The following PCDHA11 variants were observed in gnomAD, a reference collection of about 807,000 sequenced individuals.
PCDHA11 encodes protocadherin alpha-11.
PCDHA11 carries 61 observed loss-of-function variants against 70.3 expected under a neutral mutation model. That is an observed-to-expected ratio of 0.87 (90% CI 0.71 to 1.07). The LOEUF is 1.07. Among genes scored for constraint, PCDHA11 ranks in the 50% least tolerant of loss-of-function variants. The pLI, the probability that PCDHA11 is intolerant of heterozygous loss-of-function variation, is 0.00. For missense variants in PCDHA11, 1,324 were observed against 1,237.5 expected, an observed-to-expected ratio of 1.07 and a Z score of -1.05; for synonymous variants, 633 against 555.1, an observed-to-expected ratio of 1.14 and a Z score of -1.97.
intron 1 of PCDHA11, among the ~76,000 whole-genome samples, chr5:140,894,199 GC>G (rs2064359112): frequency 6.6e-6 from 1 of 151,732 alleles, no homozygotes; most frequent in Admixed American, 6.6e-5. Context: ...TTTTTTCTAT[GC>G]TATTATATTC....
At chr5:140,966,374 C>A in intron 1 of PCDHA11, 1 of 405,174 alleles carries the variant, frequency 2.5e-6, no homozygotes, top group South Asian at 1.3e-4. Flanking sequence ...GCTGAGCAGT[C>A]CGGGTTCGCT....
At chr5:140,990,512 CTT>C (rs1323641272) in intron 3 of PCDHA11, among the ~76,000 whole-genome samples, 1 of 152,202 alleles carries the variant, frequency 6.6e-6, no homozygotes, top group African/African-American at 2.4e-5. Context: ...AGTCTTCTCT[CTT>C]GTCTTTTTTG....
chr5:140,891,122 G>T (rs572236105), intron 1 of PCDHA11, among the ~76,000 whole-genome samples: 1 of 152,256 alleles, frequency 6.6e-6, no homozygotes, highest in East Asian at 1.9e-4. Context: ...CAATCTAAAT[G>T]TCATTCCTTT....
chr5:140,898,764 T>A (rs2066960471), intron 1 of PCDHA11, among the ~76,000 whole-genome samples: 1 of 152,192 alleles, frequency 6.6e-6, no homozygotes, highest in Non-Finnish European at 1.5e-5. Context: ...GCATTGAATC[T>A]GTAAATTACC....
intron 3 of PCDHA11, among the ~76,000 whole-genome samples, chr5:141,000,251 G>C (rs2097898188): frequency 6.6e-6 from 1 of 151,264 alleles, no homozygotes; most frequent in Non-Finnish European, 1.5e-5. Context: ...GCTGACACCT[G>C]TGATCCTAGC....
intron 3 of PCDHA11, among the ~76,000 whole-genome samples, chr5:140,996,604 A>G (rs1554255259): frequency 1.3e-5 from 2 of 152,090 alleles, no homozygotes; most frequent in African/African-American, 4.8e-5. Flanking sequence ...CCCCATTTTC[A>G]TTTGGCAAAT....
At chr5:140,873,477 G>T (rs1351179000) in intron 1 of PCDHA11, among the ~76,000 whole-genome samples, 1 of 151,984 alleles carries the variant, frequency 6.6e-6, no homozygotes, top group Non-Finnish European at 1.5e-5. Flanking sequence ...AAATTACTTG[G>T]ACTGATTTCT....
chr5:140,990,379 G>C (rs1554251452), intron 3 of PCDHA11, among the ~76,000 whole-genome samples: 3 of 152,092 alleles, frequency 2.0e-5, no homozygotes. Context: ...CAAATTTGTT[G>C]GTGATGTTCC....
At chr5:140,968,661 T>C (rs1554230945) in intron 1 of PCDHA11, 1 of 1,614,182 alleles carries the variant, frequency 6.2e-7, no homozygotes, top group East Asian at 2.2e-5. Flanking sequence ...GACCTGGACC[T>C]CTTTAAGGTA....
intron 3 of PCDHA11, among the ~76,000 whole-genome samples, chr5:140,996,540 T>C (rs2097730922): frequency 1.3e-5 from 2 of 152,218 alleles, no homozygotes. Flanking sequence ...TGTTTTGATA[T>C]TATGCTGTCA....
chr5:140,887,670 C>T (rs368430565), intron 1 of PCDHA11, among the ~76,000 whole-genome samples: 1 of 151,988 alleles, frequency 6.6e-6, no homozygotes, highest in Non-Finnish European at 1.5e-5. Context: ...GTGGATTTAT[C>T]ATTTTCATCA....
At chr5:140,886,339 C>T (rs181002773) in intron 1 of PCDHA11, among the ~76,000 whole-genome samples, 87 of 151,982 alleles carry the variant, frequency 5.7e-4, no homozygotes, top group Non-Finnish European at 1.2e-3. Flanking sequence ...ATGTGCAGAA[C>T]GTGCAGGTTT....
chr5:140,969,147 A>G (rs781909774), intron 1 of PCDHA11: 1 of 1,614,172 alleles, frequency 6.2e-7, no homozygotes, highest in Non-Finnish European at 8.5e-7. Flanking sequence ...TACTGCTACA[A>G]GGCCTGTCTG....
chr5:140,887,043 A>G (rs1459489169), intron 1 of PCDHA11, among the ~76,000 whole-genome samples: 1 of 151,986 alleles, frequency 6.6e-6, no homozygotes, highest in Admixed American at 6.6e-5. Context: ...TATTTTTTAT[A>G]GTGCATATGT....
chr5:140,973,803 G>C (rs1232498397), intron 1 of PCDHA11, among the ~76,000 whole-genome samples: 2 of 152,214 alleles, frequency 1.3e-5, no homozygotes, highest in African/African-American at 2.4e-5. Flanking sequence ...CTGTCTACTT[G>C]ACAGAATAGC....
rs184537292 is a variant in PCDHA11, at chr5:140,970,210, C to T, written c.2392-8739C>T. Among the ~76,000 whole-genome samples, 8 of 152,308 alleles carry T rather than the reference C, an allele frequency of 5.3e-5. No homozygotes were observed. The East Asian group carries it at 1.5e-3, about 29-fold the overall frequency. On this transcript the variant is annotated intron_variant, in intron 1 of 3. Transcript: ENST00000398640. Reference sequence around the variant, plus strand: ...TGTAAGAGGATTTCCCTGAATTTAGCTTAAATGCAGCCTGTAATCTTCTGA... The same window carrying T: ...TGTAAGAGGATTTCCCTGAATTTAGTTTAAATGCAGCCTGTAATCTTCTGA...
chr5:140,927,910 C>A lies in PCDHA11; in HGVS notation c.2392-51039C>A, dbSNP rs782484227. 2.5e-6 allele frequency: 4 copies of A among 1,614,216 alleles called. No homozygotes were observed. In the South Asian group the frequency reaches 3.3e-5, roughly 13 times the overall value. On this transcript the variant is annotated intron_variant, in intron 1 of 3. Transcript: ENST00000398640. ...TGACGTGAACGATCATGCCCCCGAACTGGACTTCCTGACTCTTTCGAACCC... is the reference window on the plus strand; with the variant it reads ...TGACGTGAACGATCATGCCCCCGAAATGGACTTCCTGACTCTTTCGAACCC...
intron 3 of PCDHA11, among the ~76,000 whole-genome samples, chr5:141,002,004 A>G (rs1386748835): frequency 2.0e-5 from 3 of 152,210 alleles, no homozygotes; most frequent in Non-Finnish European, 4.4e-5. Context: ...TTGCAAACAC[A>G]GAATCTGCAC....
At position 140,955,726 on chromosome 5, in the gene PCDHA11, C is replaced by A. The variant is rs934215613; in HGVS notation, c.2392-23223C>A. Among the ~76,000 whole-genome samples the A allele has an allele frequency of 8.5e-5, 13 of 152,264 alleles. No individual in the cohort carries two copies. In the South Asian group the frequency reaches 2.5e-3, roughly 29 times the overall value. Reference sequence around the variant, plus strand: ...AAGTTTAATAGGAATACCATTGAATCTATAAATTACTTTGAGCATTATTGC... The same window carrying A: ...AAGTTTAATAGGAATACCATTGAATATATAAATTACTTTGAGCATTATTGC... On this transcript the variant is annotated intron_variant, in intron 1 of 3. Coordinates refer to ENST00000398640, the MANE Select transcript of PCDHA11 (RefSeq NM_018902.5).
Sources: allele counts gnomAD v4.1 joint callset (sites outside exome capture counted in the v4.1 genomes callset), GRCh38; gene constraint gnomAD v4.1.1; transcripts MANE v1.5; gene names NCBI Gene and HGNC (gene_info 2026-07-23, HGNC 2026-07-21).